Variants in PRKN observed in about 807,000 individuals in gnomAD.
The protein encoded by PRKN is parkin RBR E3 ubiquitin protein ligase, also known as E3 ubiquitin-protein ligase parkin.
PRKN carries 56 observed loss-of-function variants against 59.5 expected under a neutral mutation model. That is an observed-to-expected ratio of 0.94 (90% CI 0.76 to 1.18). The LOEUF (loss-of-function observed/expected upper bound fraction) is 1.18, where lower values mean the gene tolerates loss of function less well. Ranked by LOEUF, PRKN falls within the 50% of genes most tolerant of loss-of-function variation. The probability of loss-of-function intolerance (pLI) is 0.00; values close to 1 mark genes in which losing one functional copy is unlikely to be tolerated. For synonymous variants in PRKN, 250 were observed against 222.1 expected, an observed-to-expected ratio of 1.13 and a Z score of -1.12; for missense variants, 657 against 596.4, an observed-to-expected ratio of 1.10 and a Z score of -1.06.
At chr6:162,587,427 C>T (rs191488653) in intron 1 of PRKN, among the ~76,000 whole-genome samples, 30 of 152,214 alleles carry the variant, frequency 2.0e-4, no homozygotes, top group Non-Finnish European at 3.4e-4. Flanking sequence ...TGAGCCACCA[C>T]GCCCAGCCCA....
At chr6:161,587,240 C>T in intron 7 of PRKN, among the ~76,000 whole-genome samples, 1 of 152,160 alleles carries the variant, frequency 6.6e-6, no homozygotes, top group Non-Finnish European at 1.5e-5. Flanking sequence ...TCTCTGCTGT[C>T]TACTCACAGC....
At chr6:162,315,323 A>T (rs1253189889) in intron 2 of PRKN, among the ~76,000 whole-genome samples, 1 of 152,194 alleles carries the variant, frequency 6.6e-6, no homozygotes, top group East Asian at 1.9e-4. Context: ...ACACCTAATG[A>T]GTCAATGGCT....
chr6:161,693,031 T>C (rs1296743876), intron 7 of PRKN, among the ~76,000 whole-genome samples: 3 of 151,810 alleles, frequency 2.0e-5, no homozygotes, highest in Non-Finnish European at 2.9e-5. Context: ...TAATTTTGGG[T>C]TCTTGATTTT....
chr6:162,433,240 TA>T (rs1367123666), intron 2 of PRKN, among the ~76,000 whole-genome samples: 4 of 152,068 alleles, frequency 2.6e-5, no homozygotes, highest in Non-Finnish European at 5.9e-5. Flanking sequence ...AACAAACATA[TA>T]AAATATAGGC....
intron 2 of PRKN, among the ~76,000 whole-genome samples, chr6:162,351,749 G>C (rs1427596945): frequency 1.3e-5 from 2 of 152,084 alleles, no homozygotes; most frequent in Non-Finnish European, 2.9e-5. Context: ...AAAATACACT[G>C]TAACATAGAT....
intron 6 of PRKN, among the ~76,000 whole-genome samples, chr6:161,824,294 A>T (rs1198225189): frequency 6.6e-6 from 1 of 152,202 alleles, no homozygotes; most frequent in African/African-American, 2.4e-5. Flanking sequence ...AGATGTGCCA[A>T]GTCATAAGTG....
intron 4 of PRKN, among the ~76,000 whole-genome samples, chr6:162,066,433 G>C (rs998481608): frequency 6.6e-6 from 1 of 152,058 alleles, no homozygotes; most frequent in Non-Finnish European, 1.5e-5. Flanking sequence ...CTATGGTCTA[G>C]ATATGTCCCC....
chr6:161,709,618 C>T (rs1368424688), intron 7 of PRKN, among the ~76,000 whole-genome samples: 1 of 152,176 alleles, frequency 6.6e-6, no homozygotes, highest in Non-Finnish European at 1.5e-5. Context: ...TGGTTAATAG[C>T]AGATCATGAG....
chr6:162,722,943 C>A (rs147837206), intron 1 of PRKN, among the ~76,000 whole-genome samples: 45 of 152,274 alleles, frequency 3.0e-4, no homozygotes, highest in African/African-American at 9.4e-4. Flanking sequence ...ATTTTTGACA[C>A]AATTTTACCT....
Position 161,582,413 on chromosome 6 carries a change from C to CCAT in PRKN, c.872-12998_872-12997insATG, listed in dbSNP as rs142124151. On this transcript the variant is annotated intron_variant, in intron 7 of 11. Transcript: ENST00000366898. The surrounding 1 kb of genome is among the most constrained non-coding windows in gnomAD (Gnocchi z 4.4). ...AACTAGGAAAGACTGCATCTGCAGA[C>CCAT]TATTATTATTATTATTATTATTATT... Among the ~76,000 whole-genome samples the CCAT allele has an allele frequency of 1.4e-5, 2 of 146,204 alleles. No homozygotes were observed. Among genetic ancestry groups the CCAT allele is most frequent in the East Asian group, 4.1e-4 (2 of 4,932 alleles).
intron 7 of PRKN, among the ~76,000 whole-genome samples, chr6:161,583,269 C>T (rs1234031736): frequency 6.6e-6 from 1 of 152,024 alleles, no homozygotes; most frequent in African/African-American, 2.4e-5. Flanking sequence ...AATATATCGA[C>T]TAGGTAGCAG....
intron 4 of PRKN, among the ~76,000 whole-genome samples, chr6:162,060,822 T>A (rs556359552): frequency 2.6e-5 from 4 of 152,356 alleles, no homozygotes; most frequent in African/African-American, 9.6e-5. Context: ...AAAAATGTTA[T>A]TTAATAGTAA....
intron 1 of PRKN, among the ~76,000 whole-genome samples, chr6:162,574,177 T>TGGTC (rs1262327381): frequency 1.3e-5 from 2 of 152,140 alleles, no homozygotes; most frequent in Non-Finnish European, 2.9e-5. Flanking sequence ...TCTCCAGGCT[T>TGGTC]GGTCTGTCTG....
At chr6:162,364,187 G>A (rs940212116) in intron 2 of PRKN, among the ~76,000 whole-genome samples, 2 of 152,186 alleles carry the variant, frequency 1.3e-5, no homozygotes, top group Admixed American at 6.5e-5. Context: ...TCACTGGTAT[G>A]ATTCAAGAAT....
At chr6:161,506,791 T>G (rs1314765340) in intron 9 of PRKN, among the ~76,000 whole-genome samples, 1 of 152,238 alleles carries the variant, frequency 6.6e-6, no homozygotes, top group Non-Finnish European at 1.5e-5. Context: ...ATAAGTGTGA[T>G]ATGGCTGTCC....
intron 1 of PRKN, among the ~76,000 whole-genome samples, chr6:162,726,368 T>G (rs1282473539): frequency 2.0e-5 from 3 of 152,222 alleles, no homozygotes; most frequent in Admixed American, 1.3e-4. Flanking sequence ...CAGTTCAAAC[T>G]TGTGCTTGCA....
At chr6:162,699,472 T>C (rs1298003708) in intron 1 of PRKN, among the ~76,000 whole-genome samples, 1 of 152,156 alleles carries the variant, frequency 6.6e-6, no homozygotes, top group Non-Finnish European at 1.5e-5. Context: ...ATGAAAAGCA[T>C]ATACAGTTCA....
chr6:161,872,064 C>T (rs1236178443), intron 6 of PRKN, among the ~76,000 whole-genome samples: 1 of 152,134 alleles, frequency 6.6e-6, no homozygotes, highest in East Asian at 1.9e-4. Context: ...TCTTGCAGGG[C>T]TCACAGCAGA....
At chr6:162,526,074 C>G (rs919477613) in intron 1 of PRKN, among the ~76,000 whole-genome samples, 1 of 152,042 alleles carries the variant, frequency 6.6e-6, no homozygotes, top group Non-Finnish European at 1.5e-5. Flanking sequence ...ATTTCTGAGG[C>G]TCAAGCGATC....
Sources: gnomAD v4.1 joint callset for allele counts (sites outside exome capture counted in the v4.1 genomes callset) on GRCh38, gnomAD v4.1.1 for gene constraint, Gnocchi (gnomAD v3.1) non-coding constraint, MANE v1.5 for transcripts, NCBI Gene and HGNC (gene_info 2026-07-23, HGNC 2026-07-21) for gene names.